Variants in AHRR observed in about 807,000 individuals in gnomAD.
AHRR encodes ahR repressor.
A neutral mutation model predicts 44.0 loss-of-function variants in AHRR; 28 were observed. That is an observed-to-expected ratio of 0.64 (90% confidence interval 0.47 to 0.87). The LOEUF is 0.87. AHRR is among the 40% of genes least tolerant of loss of function. The pLI, the probability that AHRR is intolerant of heterozygous loss-of-function variation, is 0.00. For synonymous variants in AHRR, 434 were observed against 407.0 expected (o/e 1.07, Z -0.80); for missense variants, 990 against 953.9 (o/e 1.04, Z -0.50).
chr5:364,876 TA>T (rs1743304187), intron 3 of AHRR, among the ~76,000 whole-genome samples: 1 of 152,024 alleles, frequency 6.6e-6, no homozygotes, highest in Admixed American at 6.6e-5. Context: ...GATTTTGGGG[TA>T]AAAAGCATCA....
intron 2 of AHRR, 94 bp downstream of exon 2, chr5:344,058 C>A (rs1422559707): frequency 1.2e-5 from 16 of 1,364,660 alleles, no homozygotes; most frequent in Non-Finnish European, 1.6e-5. Context: ...AGGAACAGGG[C>A]GAGCGAGGAA....
intron 1 of AHRR, among the ~76,000 whole-genome samples, chr5:327,368 C>T (rs188632699): frequency 6.2e-4 from 94 of 152,288 alleles, no homozygotes; most frequent in Middle Eastern, 3.4e-3. Flanking sequence ...TCTCATCAGC[C>T]GGGCCCTTGT....
intron 3 of AHRR, among the ~76,000 whole-genome samples, chr5:371,970 C>T (rs572663038): frequency 6.6e-6 from 1 of 152,222 alleles, no homozygotes; most frequent in East Asian, 1.9e-4. Context: ...GCTGCTTGCA[C>T]CACTCAGGCC....
intron 4 of AHRR, among the ~76,000 whole-genome samples, chr5:408,134 G>A (rs1009635299): frequency 1.3e-5 from 2 of 152,258 alleles, no homozygotes; most frequent in Non-Finnish European, 2.9e-5. Flanking sequence ...ATGAATAAAT[G>A]TGTGAGCATG....
rs183678101 is a variant in AHRR at position 335,894 on chromosome 5, C to A, written c.-10-7999C>A. ...TCTTGCTCAAGTCCTGGGGGTGGTG[C>A]CTGCTTCCAGTGCTGGGAGCTGCAG... On this transcript the variant is annotated intron_variant, in intron 1 of 10. Transcript: ENST00000684583. Among the ~76,000 whole-genome samples, 257 of 152,350 alleles carry A rather than the reference C, an allele frequency of 1.7e-3. 2 individuals carry two copies. Among genetic ancestry groups the A allele is most frequent in the African/African-American group, 5.8e-3 (241 of 41,578 alleles).
intron 4 of AHRR, among the ~76,000 whole-genome samples, chr5:397,543 T>TCCATGTTAGCCCCTGA (rs1734784976): frequency 1.4e-5 from 1 of 69,868 alleles, no homozygotes; most frequent in African/African-American, 5.9e-5. Context: ...CTCCTGACCG[T>TCCATGTTAGCCCCTGA]CCATGTTAGC....
intron 4 of AHRR, among the ~76,000 whole-genome samples, chr5:408,793 T>C (rs185231832): frequency 6.6e-6 from 1 of 152,348 alleles, no homozygotes; most frequent in East Asian, 1.9e-4. Flanking sequence ...TAGAATTCCA[T>C]GTTAAAGCCG....
At position 419,168 on chromosome 5, in the gene AHRR, AT is replaced by A. The variant is rs11352803; in HGVS notation, c.442-3545del. 0.86 allele frequency: 122,330 copies of A among 142,174 alleles called. 52,685 individuals are homozygous for A. The highest frequency in any genetic ancestry group is 0.9 in the African/African-American group (34,520 of 38,484). The allele number at this position is 142,174 out of a possible 1,614,324, so 8.8% of individuals were successfully genotyped here. On this transcript the variant is annotated intron_variant, in intron 5 of 10. Coordinates refer to ENST00000684583, the MANE Select transcript of AHRR (RefSeq NM_001377236.1). The surrounding 1 kb of genome is among the most constrained non-coding windows in gnomAD (Gnocchi z 4.4). ...GAATCTATTTTTTAAAAGGAATGGGATTTTTTTTTTTTTTTTGAGACAGTCT... is the reference window on the plus strand; with the variant it reads ...GAATCTATTTTTTAAAAGGAATGGGATTTTTTTTTTTTTTTGAGACAGTCT...
At chr5:351,137 C>T (rs1352496925) in intron 2 of AHRR, among the ~76,000 whole-genome samples, 1 of 152,062 alleles carries the variant, frequency 6.6e-6, no homozygotes, top group African/African-American at 2.4e-5. Context: ...AAACTGGAGG[C>T]CTGCTACATT....
chr5:399,341 T>C (rs1016917999), intron 4 of AHRR, among the ~76,000 whole-genome samples: 19 of 152,232 alleles, frequency 1.2e-4, no homozygotes, highest in Admixed American at 1.3e-4. Context: ...TGCCTTTGTT[T>C]ATGAGTTGTA....
intron 4 of AHRR, among the ~76,000 whole-genome samples, chr5:407,256 A>G (rs1354307953): frequency 6.6e-6 from 1 of 152,222 alleles, no homozygotes; most frequent in Non-Finnish European, 1.5e-5. Context: ...AAATTGACTC[A>G]GGAGGAGCAG....
chr5:405,184 T>C lies in AHRR; in HGVS notation c.352-8160T>C, dbSNP rs1735202573. ...ACAGCCCCGATGGGTCCAGGCAGATTCACCAGACTTTCTGCTCACGACCCA... is the reference window on the plus strand; with the variant it reads ...ACAGCCCCGATGGGTCCAGGCAGATCCACCAGACTTTCTGCTCACGACCCA... On this transcript the variant is annotated intron_variant, in intron 4 of 10. Transcript: ENST00000684583. The surrounding 1 kb of genome is among the most constrained non-coding windows in gnomAD (Gnocchi z 4.5). Among the ~76,000 whole-genome samples, 1 of 151,970 alleles carries C rather than the reference T, an allele frequency of 6.6e-6. No homozygotes were observed. The highest frequency in any genetic ancestry group is 2.4e-5 in the African/African-American group (1 of 41,336).
chr5:343,623 A>C, intron 1 of AHRR: 3 of 461,456 alleles, frequency 6.5e-6, no homozygotes, highest in Middle Eastern at 5.7e-4. Flanking sequence ...GCCAGGCTCC[A>C]GAGCAGGCGG....
At position 394,692 on chromosome 5, in the gene AHRR, C is replaced by T. The variant is rs1262373576; in HGVS notation, c.351+17976C>T. Among the ~76,000 whole-genome samples the T allele has an allele frequency of 2.0e-5, 3 of 152,216 alleles. No individual in the cohort carries two copies. The East Asian group carries it at 5.8e-4, about 29-fold the overall frequency. On this transcript the variant is annotated intron_variant, in intron 4 of 10. Transcript: ENST00000684583. ...TCGCCCGTTGCTTGGCTCCACTTTC[C>T]TGGCTGTGCCTCCTGTCTCTGGTCC...
rs138841796 is a variant in AHRR, at chr5:405,919, G to A, written c.352-7425G>A. The stretch of plus-strand genomic sequence containing the variant: ...GTGTGGCTTTCCTCCTGAATTAGGC[G>A]TGGTGTGGCAGCGTCCAGGGAAGAA... On this transcript the variant is annotated intron_variant, in intron 4 of 10. Transcript: ENST00000684583. The surrounding 1 kb of genome is among the most constrained non-coding windows in gnomAD (Gnocchi z 4.5). Among the ~76,000 whole-genome samples the A allele has an allele frequency of 3.4e-4, 52 of 152,330 alleles. No homozygotes were observed. Among genetic ancestry groups the A allele is most frequent in the African/African-American group, 1.0e-3 (43 of 41,580 alleles).
intron 2 of AHRR, among the ~76,000 whole-genome samples, chr5:346,879 G>GGGGTCTCATGTCTTCTTCCA (rs1742697274): frequency 6.6e-6 from 1 of 152,166 alleles, no homozygotes; most frequent in Non-Finnish European, 1.5e-5. Context: ...CTCCGCCTCC[G>GGGGTCTCATGTCTTCTTCCA]GGGTCTCATG....
intron 4 of AHRR, among the ~76,000 whole-genome samples, chr5:381,878 G>C (rs541622986): frequency 2.4e-4 from 37 of 152,040 alleles, no homozygotes; most frequent in African/African-American, 8.9e-4. Context: ...TTTATTCCTT[G>C]TTTTCTGAGA....
intron 8 of AHRR, among the ~76,000 whole-genome samples, chr5:429,632 C>T (rs1193567754): frequency 5.9e-5 from 9 of 152,242 alleles, no homozygotes; most frequent in Non-Finnish European, 8.8e-5. Context: ...TCAGCCTTGC[C>T]GCGCGATCCT....
Position 411,973 on chromosome 5 carries a change from C to T in AHRR, c.352-1371C>T, listed in dbSNP as rs140779574. On this transcript the variant is annotated intron_variant, in intron 4 of 10. Transcript: ENST00000684583. This position sits in a 1 kb window ranked among gnomAD's most constrained non-coding sequence, Gnocchi z 4.2. ...CCATTGCTGCCATGGACAGATCCTG[C>T]GACTCAGAGGCCACCGTCTTTCGCG... Among the ~76,000 whole-genome samples, 883 of 152,286 alleles carry T rather than the reference C, an allele frequency of 5.8e-3. 3 individuals carry two copies. Among genetic ancestry groups the T allele is most frequent in the Non-Finnish European group, 9.6e-3 (650 of 68,024 alleles).
Sources: allele counts gnomAD v4.1 joint callset (sites outside exome capture counted in the v4.1 genomes callset), GRCh38; gene constraint gnomAD v4.1.1; non-coding constraint Gnocchi (gnomAD v3.1); transcripts MANE v1.5; gene names NCBI Gene and HGNC (gene_info 2026-07-23, HGNC 2026-07-21).